The following TNXB variants were observed in gnomAD, a reference collection of about 807,000 sequenced individuals.
TNXB encodes tenascin XB, also known as tenascin-X.
Under a neutral mutation model 340.5 loss-of-function variants are expected in TNXB, and 183 were observed. That is an observed-to-expected ratio of 0.54 (90% CI 0.48 to 0.61). The LOEUF is 0.61. Among genes scored for constraint, TNXB ranks in the 20% least tolerant of loss-of-function variants. The pLI, the probability that TNXB is intolerant of heterozygous loss-of-function variation, is 0.00. For synonymous variants in TNXB, 2,121 were observed against 2,314.5 expected, an observed-to-expected ratio of 0.92 and a Z score of 2.40; for missense variants, 4,613 against 5,446.4, an observed-to-expected ratio of 0.85 and a Z score of 4.82.
At position 32,085,623 on chromosome 6, in the gene TNXB, A is replaced by G. The variant is rs1245048049; in HGVS notation, c.3148+127T>C. On this transcript the variant is annotated intron_variant, in intron 7 of 43. Coordinates refer to ENST00000644971, the MANE Select transcript of TNXB (RefSeq NM_001365276.2). This position sits in a 1 kb window ranked among gnomAD's most constrained non-coding sequence, Gnocchi z 6.4. ...TTCCTTTTCTCTCCTTTTCTCCTCTATCCAGCCCCAAACATCAGCCCTGCC... is the reference window on the plus strand; with the variant it reads ...TTCCTTTTCTCTCCTTTTCTCCTCTGTCCAGCCCCAAACATCAGCCCTGCC... 3 of 1,136,618 alleles carry G rather than the reference A, an allele frequency of 2.6e-6. No individual in the cohort carries two copies. Among genetic ancestry groups the G allele is most frequent in the Non-Finnish European group, 2.4e-6 (2 of 850,134 alleles). 70.4% of individuals were successfully genotyped at this position (1,136,618 alleles called of 1,614,324 possible).
chr6:32,048,546 G>A lies in TNXB; in HGVS notation c.9862C>T (p.Pro3288Ser). ...VGLSWTVAQG[P>S]FDSFLVQYRD... The stretch of plus-strand genomic sequence containing the variant: ...TACTGTACCAGGAAGGAGTCAAAGG[G>A]GCCCTGGGCCACCGTCCATGAGAGG... Residue 3288 changes from proline (P) to serine (S), a missense_variant, in exon 29 of 44, where the codon CCC (proline) becomes TCC (serine). Physicochemically the swap from Pro to Ser is moderately conservative, Grantham distance 74. This residue lies in a region of TNXB where 4,327 missense variants were observed against 4,859.4 expected (regional missense o/e 0.89). Coordinates refer to ENST00000644971, the MANE Select transcript of TNXB (RefSeq NM_001365276.2). The A allele has an allele frequency of 1.3e-6, 2 of 1,568,750 alleles. No homozygotes were observed. The highest frequency in any genetic ancestry group is 2.3e-5 in the East Asian group (1 of 43,040).
chr6:32,070,108 T>G lies in TNXB; in HGVS notation c.5278+19A>C. The G allele has an allele frequency of 6.5e-7, 1 of 1,537,524 alleles. No individual in the cohort carries two copies. Among genetic ancestry groups the G allele is most frequent in the Non-Finnish European group, 8.8e-7 (1 of 1,141,156 alleles). On this transcript the variant is annotated intron_variant, in intron 14 of 43. Coordinates refer to ENST00000644971, the MANE Select transcript of TNXB (RefSeq NM_001365276.2). This position sits in a 1 kb window ranked among gnomAD's most constrained non-coding sequence, Gnocchi z 6.0. ...GCCTGAGGGGAGCAGAGCAGGGACC[T>G]GCAGGGAATGCCCCTCACCCGTGGT...
chr6:32,074,990 C>T lies in TNXB; in HGVS notation c.4376-1038G>A, dbSNP rs1371215129. Among the ~76,000 whole-genome samples, 1 of 152,232 alleles carries T rather than the reference C, an allele frequency of 6.6e-6. No individual in the cohort carries two copies. The highest frequency in any genetic ancestry group is 1.5e-5 in the Non-Finnish European group (1 of 68,038). ...CCTCCACGCCTGACCAGGATTACAACTTCATTCTTCCAGCTGCTCAGATCT... is the reference window on the plus strand; with the variant it reads ...CCTCCACGCCTGACCAGGATTACAATTTCATTCTTCCAGCTGCTCAGATCT... On this transcript the variant is annotated intron_variant, in intron 11 of 43. Transcript: ENST00000644971. The surrounding 1 kb of genome is among the most constrained non-coding windows in gnomAD (Gnocchi z 5.5).
rs770478856 is a variant in TNXB at position 32,079,362 on chromosome 6, G to T, written c.4046C>A (p.Pro1349His). The T allele has an allele frequency of 6.2e-7, 1 of 1,601,416 alleles. No individual in the cohort carries two copies. The highest frequency in any genetic ancestry group is 8.5e-7 in the Non-Finnish European group (1 of 1,173,694). The stretch of plus-strand genomic sequence containing the variant: ...GGGGGTCTCGTCCACATCCTCCTGA[G>T]GAGCTGAGAGAAGAGATAGAGGCAT... ...GPESVVAKTA[P>H]QEDVDETPSP... Residue 1349 changes from proline to histidine, a missense_variant, in exon 11 of 44, where the codon CCT (proline) becomes CAT (histidine). Coordinates refer to ENST00000644971, the MANE Select transcript of TNXB (RefSeq NM_001365276.2). This position sits in a 1 kb window ranked among gnomAD's most constrained non-coding sequence, Gnocchi z 7.1.
At chr6:32,106,487 G>A (rs1244252280) in intron 1 of TNXB, among the ~76,000 whole-genome samples, 1 of 152,032 alleles carries the variant, frequency 6.6e-6, no homozygotes, top group East Asian at 1.9e-4. Flanking sequence ...GGAGGTGACT[G>A]TGACACACAC....
Position 32,072,343 on chromosome 6 carries a change from G to T in TNXB, c.4682-45C>A. The T allele has an allele frequency of 6.5e-7, 1 of 1,527,414 alleles. No homozygotes were observed. 94.6% of individuals were successfully genotyped at this position (1,527,414 alleles called of 1,614,324 possible). ...AGAACATGGTTGAGATCTCTGAGGG[G>T]AGAACCCCTGGGCTTTGAGGGCCTC... is the stretch of plus-strand genomic sequence containing the variant. On this transcript the variant is annotated intron_variant, in intron 12 of 43. Transcript: ENST00000644971. The surrounding 1 kb of genome is among the most constrained non-coding windows in gnomAD (Gnocchi z 4.4).
At chr6:32,053,812 T>C (rs1271525783) in intron 24 of TNXB, 101 bp from the exon 25 acceptor site, 4 of 1,351,590 alleles carry the variant, frequency 3.0e-6, no homozygotes, top group Non-Finnish European at 4.1e-6. Flanking sequence ...AGGACGATGC[T>C]GCCCACAGCG....
In TNXB at chr6:32,052,689, C is replaced by T. The variant is rs1233964971; in HGVS notation, c.9096G>A (p.Val3032=). 1 of 1,613,434 alleles carries T rather than the reference C, an allele frequency of 6.2e-7. No homozygotes were observed. The highest frequency in any genetic ancestry group is 1.1e-5 in the South Asian group (1 of 91,082). The change falls in exon 26 of 44, where the codon GTG becomes GTA. Residue 3032 remains valine (V), a synonymous_variant. Coordinates refer to ENST00000644971, the MANE Select transcript of TNXB (RefSeq NM_001365276.2). The surrounding 1 kb of genome is among the most constrained non-coding windows in gnomAD (Gnocchi z 4.7). The part of the protein sequence containing the change: ...GLHEGQRVGP[V]SAVGVTAPKD... ...ACTCACCTGTCACACCCACAGCGGA[C>T]ACTGGGCCCACGCGCTGCCCCTCGT...
In TNXB at chr6:32,049,731, G is replaced by A; in HGVS notation, c.9440-144C>T. The A allele has an allele frequency of 1.7e-6, 2 of 1,169,242 alleles. No homozygotes were observed. The highest frequency in any genetic ancestry group is 2.4e-6 in the Non-Finnish European group (2 of 846,464). The allele number at this position is 1,169,242 out of a possible 1,614,324, so 72.4% of individuals were successfully genotyped here. A position where few individuals can be genotyped will look rare whatever the true frequency, so the allele number is the denominator to read the frequency against. ...TGGGGCTGGGTGGTCCTGCTCAGCT[G>A]ACAGCTAACACACGTAACAAGTTCC... is the stretch of plus-strand genomic sequence containing the variant. On this transcript the variant is annotated intron_variant, in intron 27 of 43. Coordinates refer to ENST00000644971, the MANE Select transcript of TNXB (RefSeq NM_001365276.2). The surrounding 1 kb of genome is among the most constrained non-coding windows in gnomAD (Gnocchi z 4.5).
At chr6:32,101,097 A>T (rs1389831835) in intron 1 of TNXB, among the ~76,000 whole-genome samples, 1 of 151,706 alleles carries the variant, frequency 6.6e-6, no homozygotes, top group African/African-American at 2.4e-5. Context: ...AAAAAAAAAA[A>T]AAAAATCTCT....
chr6:32,053,704 C>T lies in TNXB; in HGVS notation c.8475G>A (p.Glu2825=). The change falls in exon 25 of 44, where the codon GAG becomes GAA. Residue 2825 remains glutamate, a synonymous_variant. Transcript: ENST00000644971. ...CTGCTTGGGTGGTCTCTGCTTCATC[C>T]TCTGGAGCTGGACAGACACGTGTGG... ...PVSTVGVTAP[E]DEAETTQAVP... The T allele has an allele frequency of 6.2e-7, 1 of 1,611,984 alleles. No homozygotes were observed. The highest frequency in any genetic ancestry group is 8.5e-7 in the Non-Finnish European group (1 of 1,178,924).
rs373978888 is a variant in TNXB, at chr6:32,069,897, G to A, written c.5279-36C>T. On this transcript the variant is annotated intron_variant, in intron 14 of 43. Coordinates refer to ENST00000644971, the MANE Select transcript of TNXB (RefSeq NM_001365276.2). This position sits in a 1 kb window ranked among gnomAD's most constrained non-coding sequence, Gnocchi z 6.2. ...GACACGGAGAGGAAACGGCTGAGCT[G>A]TTTCTGGAAGACTGGGTGACCTCGA... The A allele has an allele frequency of 7.6e-5, 118 of 1,545,810 alleles. No homozygotes were observed. Among genetic ancestry groups the A allele is most frequent in the Non-Finnish European group, 9.8e-5 (112 of 1,144,308 alleles).
chr6:32,076,893 G>A (rs1366483605), intron 11 of TNXB, among the ~76,000 whole-genome samples: 4 of 152,094 alleles, frequency 2.6e-5, no homozygotes, highest in Non-Finnish European at 5.9e-5. Context: ...GAGGCAGGAG[G>A]ACTGCTTGAA....
Position 32,087,534 on chromosome 6 carries a change from G to A in TNXB, c.2779+1251C>T. On this transcript the variant is annotated intron_variant, in intron 6 of 43. Transcript: ENST00000644971. The surrounding 1 kb of genome is among the most constrained non-coding windows in gnomAD (Gnocchi z 9.0). ...TGGGGTGGCGGGACGCAGCCACCCG[G>A]TCGACGCCTTCAGGCGAGAGGCCGT... 2.2e-6 allele frequency: 1 copy of A among 461,606 alleles called. No homozygotes were observed. Among genetic ancestry groups the A allele is most frequent in the Non-Finnish European group, 4.3e-6 (1 of 232,044 alleles). 28.6% of individuals were successfully genotyped at this position (461,606 alleles called of 1,614,324 possible).
At chr6:32,101,408 C>A (rs1325023575) in intron 1 of TNXB, among the ~76,000 whole-genome samples, 6 of 152,094 alleles carry the variant, frequency 3.9e-5, no homozygotes, top group Non-Finnish European at 5.9e-5. Flanking sequence ...CCTGCCTCAG[C>A]CTCCTGAGTA....
Position 32,046,666 on chromosome 6 carries a change from C to G in TNXB, c.10325-210G>C. 1 of 479,898 alleles carries G rather than the reference C, an allele frequency of 2.1e-6. No homozygotes were observed. The highest frequency in any genetic ancestry group is 3.7e-6 in the Non-Finnish European group (1 of 272,134). The allele number at this position is 479,898 out of a possible 1,614,324, so 29.7% of individuals were successfully genotyped here. On this transcript the variant is annotated intron_variant, in intron 30 of 43. Coordinates refer to ENST00000644971, the MANE Select transcript of TNXB (RefSeq NM_001365276.2). The surrounding 1 kb of genome is among the most constrained non-coding windows in gnomAD (Gnocchi z 6.9). ...CCTCCTCTGGAGGCTGCTGCCCAAA[C>G]TCCTTCCTGCCCCGCCCCTTCCCTG...
chr6:32,069,789 A>T lies in TNXB; in HGVS notation c.5351T>A (p.Val1784Glu). 1 of 1,610,098 alleles carries T rather than the reference A, an allele frequency of 6.2e-7. No homozygotes were observed. Among genetic ancestry groups the T allele is most frequent in the Non-Finnish European group, 8.5e-7 (1 of 1,178,344 alleles). ...CACGGAGTTCTGGGTCACGGTGGTCACCTGCAGCTCCTCCCCCAGACGGGG... is the reference window on the plus strand; with the variant it reads ...CACGGAGTTCTGGGTCACGGTGGTCTCCTGCAGCTCCTCCCCCAGACGGGG... ...PKPRLGEELQ[V>E]TTVTQNSVGL... is the part of the protein sequence containing the mutation. Residue 1784 changes from valine (V) to glutamate (E), a missense_variant, in exon 15 of 44, where the codon GTG (valine) becomes GAG (glutamate). Val to Glu is a moderately radical substitution (Grantham distance 121, BLOSUM62 -2). Around this residue, in one of 7 missense-constraint regions of TNXB, gnomAD observed 4,327 missense variants for 4,859.4 expected, o/e 0.89. Transcript: ENST00000644971. This position sits in a 1 kb window ranked among gnomAD's most constrained non-coding sequence, Gnocchi z 6.2.
intron 1 of TNXB, among the ~76,000 whole-genome samples, chr6:32,105,919 A>G (rs1262501597): frequency 6.6e-6 from 1 of 152,230 alleles, no homozygotes; most frequent in African/African-American, 2.4e-5. Context: ...TGGTTTATTC[A>G]CACCGTGGAA....
At chr6:32,071,902 TG>T in intron 13 of TNXB, 87 bp downstream of exon 13, 1 of 1,200,154 alleles carries the variant, frequency 8.3e-7, no homozygotes, top group Non-Finnish European at 1.2e-6. Flanking sequence ...ACAGAGCAGG[TG>T]GACAAAGGGA....
Sources: gnomAD v4.1 joint callset for allele counts (sites outside exome capture counted in the v4.1 genomes callset) on GRCh38, gnomAD v4.1.1 for gene constraint, gnomAD v4.1.1 regional missense constraint, Gnocchi (gnomAD v3.1) non-coding constraint, MANE v1.5 for transcripts, NCBI Gene and HGNC (gene_info 2026-07-23, HGNC 2026-07-21) for gene names.